Variants in KHDRBS2 observed in about 807,000 individuals in gnomAD.
KHDRBS2 encodes KH domain-containing, RNA-binding, signal transduction-associated protein 2.
KHDRBS2 carries 26 observed loss-of-function variants against 44.3 expected under a neutral mutation model. The observed-to-expected ratio is 0.59, with a 90% CI of 0.43 to 0.81. The LOEUF is 0.81. Ranked by LOEUF, KHDRBS2 falls within the 40% of genes least tolerant of loss-of-function variation. The pLI is 0.00. For synonymous variants in KHDRBS2, 194 were observed against 151.1 expected, an observed-to-expected ratio of 1.28 and a Z score of -2.08; for missense variants, 476 against 433.1, an observed-to-expected ratio of 1.10 and a Z score of -0.88.
At chr6:61,755,292 G>A (rs1462204216) in intron 6 of KHDRBS2, among the ~76,000 whole-genome samples, 1 of 152,098 alleles carries the variant, frequency 6.6e-6, no homozygotes, top group Non-Finnish European at 1.5e-5. Flanking sequence ...TAGCTACTGA[G>A]CATTGGTAAG....
chr6:61,889,501 C>T (rs1050263295), intron 6 of KHDRBS2, among the ~76,000 whole-genome samples: 3 of 151,532 alleles, frequency 2.0e-5, no homozygotes, highest in Admixed American at 1.3e-4. Context: ...CTCTCTTTCA[C>T]ACATCCACGT....
In KHDRBS2 at chr6:62,243,265, G is replaced by T. The variant is rs189868562; in HGVS notation, c.91+42593C>A. ...GTTGTGAAAATGTTAATGTTTTCCA[G>T]ACAGTAAACACTGAGTTTCTATATG... On this transcript the variant is annotated intron_variant, in intron 1 of 8. Transcript: ENST00000281156. Among the ~76,000 whole-genome samples, 6 of 152,088 alleles carry T rather than the reference G, an allele frequency of 3.9e-5. No homozygotes were observed. The East Asian group carries it at 1.2e-3, about 29-fold the overall frequency.
At chr6:62,071,724 T>C (rs1795149344) in intron 2 of KHDRBS2, among the ~76,000 whole-genome samples, 2 of 152,340 alleles carry the variant, frequency 1.3e-5, no homozygotes, top group African/African-American at 2.4e-5. Context: ...ACCAGTACCA[T>C]GCTGTTTTGG....
chr6:62,061,810 C>T lies in KHDRBS2; in HGVS notation c.220-13816G>A, dbSNP rs974767691. 3.7e-3 allele frequency among the ~76,000 whole-genome samples: 543 copies of T among 148,122 alleles called. 2 individuals are homozygous for T. The highest frequency in any genetic ancestry group is 0.013 in the African/African-American group (526 of 40,384). ...ATTCTCCCCATCACTTTCAGGTACA[C>T]CAATCAGACGTAGATTTGGTCTTTT... is the stretch of plus-strand genomic sequence containing the variant. On this transcript the variant is annotated intron_variant, in intron 2 of 8. Coordinates refer to ENST00000281156, the MANE Select transcript of KHDRBS2 (RefSeq NM_152688.4).
chr6:61,637,623 T>C, the KHDRBS2 span, among the ~76,000 whole-genome samples: 2 of 152,082 alleles, frequency 1.3e-5, no homozygotes, highest in Non-Finnish European at 2.9e-5. Context: ...ACTTCCACAA[T>C]GGTTGAACTA....
chr6:61,766,502 T>G (rs1254373779), intron 6 of KHDRBS2, among the ~76,000 whole-genome samples: 1 of 152,076 alleles, frequency 6.6e-6, no homozygotes, highest in Non-Finnish European at 1.5e-5. Flanking sequence ...CTTCTACTAA[T>G]TTTGGTTTGG....
chr6:62,207,611 T>C (rs919515323), intron 1 of KHDRBS2, among the ~76,000 whole-genome samples: 19 of 152,120 alleles, frequency 1.2e-4, no homozygotes, highest in African/African-American at 4.3e-4. Context: ...GAACATTTAA[T>C]AGGAATCCAC....
rs762558476 is a variant in KHDRBS2 at position 61,732,800 on chromosome 6, A to G, written c.811-36T>C. The G allele has an allele frequency of 4.7e-6, 5 of 1,070,346 alleles. No individual in the cohort carries two copies. The South Asian group carries it at 6.3e-5, about 13-fold the overall frequency. The allele number at this position is 1,070,346 out of a possible 1,614,324, so 66.3% of individuals were successfully genotyped here. A position where few individuals can be genotyped will look rare whatever the true frequency, so the allele number is the denominator to read the frequency against. ...AAAATGGTAGAAACACCTGTTAGTC[A>G]ATTTGATTAACTTTGATCTGTTTTC... On this transcript the variant is annotated intron_variant, in intron 6 of 8. Transcript: ENST00000281156.
At chr6:61,633,632 G>A in the KHDRBS2 span, among the ~76,000 whole-genome samples, 2 of 151,686 alleles carry the variant, frequency 1.3e-5, no homozygotes, top group African/African-American at 4.8e-5. Context: ...CTTAAAAATG[G>A]GGAACTCTGT....
chr6:62,137,093 C>T (rs533105195), intron 2 of KHDRBS2, among the ~76,000 whole-genome samples: 17 of 146,732 alleles, frequency 1.2e-4, no homozygotes, highest in African/African-American at 3.8e-4. Flanking sequence ...CTCCGCCTCC[C>T]GGGTTCACGC....
At chr6:62,247,424 C>T (rs1324826303) in intron 1 of KHDRBS2, among the ~76,000 whole-genome samples, 12 of 151,764 alleles carry the variant, frequency 7.9e-5, no homozygotes, top group Admixed American at 7.9e-4. Context: ...TTATTTAACA[C>T]AAACAAGAAA....
chr6:62,187,491 A>G (rs1823683124), intron 1 of KHDRBS2, among the ~76,000 whole-genome samples: 1 of 152,160 alleles, frequency 6.6e-6, no homozygotes, highest in Non-Finnish European at 1.5e-5. Flanking sequence ...GTAAATTATA[A>G]TGTAATTCAG....
intron 2 of KHDRBS2, among the ~76,000 whole-genome samples, chr6:62,155,712 AT>A (rs1015269910): frequency 1.3e-5 from 2 of 152,224 alleles, no homozygotes; most frequent in Non-Finnish European, 2.9e-5. Flanking sequence ...ATCAAAAACA[AT>A]TCCCCCATAT....
At chr6:62,223,904 G>A (rs1381938289) in intron 1 of KHDRBS2, among the ~76,000 whole-genome samples, 2 of 152,190 alleles carry the variant, frequency 1.3e-5, no homozygotes, top group East Asian at 1.9e-4. Flanking sequence ...CAAGTCTCTA[G>A]GAAGTTCCAA....
chr6:61,728,900 A>G (rs189126908), intron 7 of KHDRBS2, among the ~76,000 whole-genome samples: 4 of 152,296 alleles, frequency 2.6e-5, no homozygotes, highest in Admixed American at 2.6e-4. Flanking sequence ...TAGTTCAGCC[A>G]TTGTGGAAGA....
At chr6:62,094,077 A>G (rs1176176246) in intron 2 of KHDRBS2, among the ~76,000 whole-genome samples, 2 of 151,862 alleles carry the variant, frequency 1.3e-5, no homozygotes, top group African/African-American at 2.4e-5. Flanking sequence ...TGATAATACT[A>G]TTTTTAATAT....
intron 6 of KHDRBS2, among the ~76,000 whole-genome samples, chr6:61,737,384 T>A (rs910066251): frequency 3.3e-5 from 5 of 152,088 alleles, no homozygotes; most frequent in African/African-American, 9.7e-5. Context: ...TTTAAAACCA[T>A]CTTTTTATTA....
intron 1 of KHDRBS2, among the ~76,000 whole-genome samples, chr6:62,252,575 T>C (rs1836728441): frequency 6.6e-6 from 1 of 152,016 alleles, no homozygotes; most frequent in African/African-American, 2.4e-5. Context: ...TTAATCATAA[T>C]GCCTACTAGC....
chr6:61,795,506 A>G (rs931871251), intron 6 of KHDRBS2, among the ~76,000 whole-genome samples: 3 of 152,068 alleles, frequency 2.0e-5, no homozygotes, highest in African/African-American at 7.2e-5. Context: ...TAGTTGAGGA[A>G]GGCATATTGA....
Sources: gnomAD v4.1 joint callset for allele counts (sites outside exome capture counted in the v4.1 genomes callset) on GRCh38, gnomAD v4.1.1 for gene constraint, MANE v1.5 for transcripts, NCBI Gene and HGNC (gene_info 2026-07-23, HGNC 2026-07-21) for gene names.